The following SUB1 variants were observed in gnomAD, a reference collection of about 807,000 sequenced individuals.
SUB1 encodes SUB1 regulator of transcription.
Under a neutral mutation model 16.9 loss-of-function variants are expected in SUB1, and 1 was observed. That is an observed-to-expected ratio of 0.06 (90% CI 0.02 to 0.28). The LOEUF (loss-of-function observed/expected upper bound fraction) is 0.28, where lower values mean the gene tolerates loss of function less well. Ranked by LOEUF, SUB1 falls within the 10% of genes least tolerant of loss-of-function variation. The pLI, the probability that SUB1 is intolerant of heterozygous loss-of-function variation, is 1.00. For missense variants in SUB1, 84 were observed against 145.2 expected, an observed-to-expected ratio of 0.58 and a Z score of 2.16; for synonymous variants, 51 against 46.9, an observed-to-expected ratio of 1.09 and a Z score of -0.36.
intron 2 of SUB1, among the ~76,000 whole-genome samples, chr5:32,589,129 C>T (rs530651951): frequency 1.3e-5 from 2 of 152,030 alleles, no homozygotes; most frequent in Non-Finnish European, 2.9e-5. Context: ...TACTCTCTTG[C>T]CGAGGCTGGA....
rs1739174609 is a variant in SUB1 at position 32,603,854 on chromosome 5, C to A, written c.*2770C>A. 1 of 151,048 alleles carries A rather than the reference C, an allele frequency of 6.6e-6. No individual in the cohort carries two copies. Among genetic ancestry groups the A allele is most frequent in the Admixed American group, 6.6e-5 (1 of 15,162 alleles). 9.4% of individuals were successfully genotyped at this position (151,048 alleles called of 1,614,324 possible). The stretch of plus-strand genomic sequence containing the variant: ...ATCTCTCCTGAAATTCTTTGCAGTT[C>A]ATTTTTTATGGCAGTTAATCCAGTG... On this transcript the variant is annotated 3_prime_UTR_variant, in exon 5 of 5. Coordinates refer to ENST00000265073, the MANE Select transcript of SUB1 (RefSeq NM_006713.4).
intron 4 of SUB1, among the ~76,000 whole-genome samples, chr5:32,600,698 G>A (rs1012957827): frequency 1.3e-5 from 2 of 151,824 alleles, no homozygotes; most frequent in Non-Finnish European, 2.9e-5. Context: ...CCACCTCCCA[G>A]GTTCGAGCAA....
At position 32,602,839 on chromosome 5, in the gene SUB1, A is replaced by G. The variant is rs1739148314; in HGVS notation, c.*1755A>G. The G allele has an allele frequency of 6.6e-6, 1 of 152,150 alleles. No individual in the cohort carries two copies. Among genetic ancestry groups the G allele is most frequent in the African/African-American group, 2.4e-5 (1 of 41,438 alleles). The allele number at this position is 152,150 out of a possible 1,614,324, so 9.4% of individuals were successfully genotyped here. On this transcript the variant is annotated 3_prime_UTR_variant, in exon 5 of 5. Transcript: ENST00000265073. ...CCAAAGTTTGTACTTTAGACACATC[A>G]TGCTTGATTGGTAACTTCCCTCCTT...
intron 3 of SUB1, chr5:32,595,594 G>T (rs1174997801): frequency 6.6e-6 from 1 of 152,200 alleles, no homozygotes; most frequent in Non-Finnish European, 1.5e-5. Flanking sequence ...CAAGTCTTGG[G>T]CTATTAGGAA....
chr5:32,592,134 C>A (rs1261012773), intron 3 of SUB1, among the ~76,000 whole-genome samples: 7 of 152,156 alleles, frequency 4.6e-5, no homozygotes, highest in Non-Finnish European at 7.4e-5. Flanking sequence ...TAAAATAGAA[C>A]AAACTAGTAA....
At chr5:32,593,469 A>G (rs1738881535) in intron 3 of SUB1, among the ~76,000 whole-genome samples, 1 of 152,180 alleles carries the variant, frequency 6.6e-6, no homozygotes. Context: ...TCTAGGTAAA[A>G]AAGATAGACA....
At chr5:32,591,263 T>C (rs1468697903) in intron 2 of SUB1, 5 of 201,212 alleles carry the variant, frequency 2.5e-5, no homozygotes, top group East Asian at 1.2e-4. Context: ...CATTTTTTTT[T>C]CTACCAAAGA....
chr5:32,587,923 T>C (rs1247940599), intron 1 of SUB1, among the ~76,000 whole-genome samples: 1 of 152,194 alleles, frequency 6.6e-6, no homozygotes, highest in Non-Finnish European at 1.5e-5. Flanking sequence ...TTGCGTATAA[T>C]TTTGTGTACT....
Position 32,591,430 on chromosome 5 carries a change from T to C in SUB1, c.73-133T>C, listed in dbSNP as rs1347148978. ...CATAGTTTTGTTGTTGAGTGAAACT[T>C]GCTTATGTATATATTTATGATATTT... is the stretch of plus-strand genomic sequence containing the variant. On this transcript the variant is annotated intron_variant, in intron 2 of 4. Coordinates refer to ENST00000265073, the MANE Select transcript of SUB1 (RefSeq NM_006713.4). 3 of 1,234,770 alleles carry C rather than the reference T, an allele frequency of 2.4e-6. No homozygotes were observed. In the African/African-American group the frequency reaches 4.7e-5, roughly 19 times the overall value. 76.5% of individuals were successfully genotyped at this position (1,234,770 alleles called of 1,614,324 possible).
At chr5:32,596,525 C>T (rs1738968656) in intron 3 of SUB1, 1 of 152,108 alleles carries the variant, frequency 6.6e-6, no homozygotes, top group African/African-American at 2.4e-5. Flanking sequence ...TTTTAGTTTT[C>T]ACATTTAGGT....
intron 4 of SUB1, among the ~76,000 whole-genome samples, chr5:32,599,976 C>T (rs1248876069): frequency 2.0e-5 from 3 of 152,192 alleles, no homozygotes; most frequent in Non-Finnish European, 4.4e-5. Flanking sequence ...CATACTTTTA[C>T]ATCTTAAACT....
rs996315801 is a variant in SUB1, at chr5:32,601,278, A to G, written c.*194A>G. 3.8e-6 allele frequency: 2 copies of G among 532,444 alleles called. No homozygotes were observed. The highest frequency in any genetic ancestry group is 2.3e-5 in the South Asian group (1 of 43,376). 33.0% of individuals were successfully genotyped at this position (532,444 alleles called of 1,614,324 possible). A position where few individuals can be genotyped will look rare whatever the true frequency, so the allele number is the denominator to read the frequency against. Reference sequence around the variant, plus strand: ...AAGCTAATTGTCAACTTTATTAAGGATTACTTTGTCTGCCCACCACCTAGT... The same window carrying G: ...AAGCTAATTGTCAACTTTATTAAGGGTTACTTTGTCTGCCCACCACCTAGT... On this transcript the variant is annotated 3_prime_UTR_variant, in exon 5 of 5. Coordinates refer to ENST00000265073, the MANE Select transcript of SUB1 (RefSeq NM_006713.4).
chr5:32,585,758 C>G (rs1283803787), intron 1 of SUB1, 133 bp downstream of exon 1: 1 of 152,486 alleles, frequency 6.6e-6, no homozygotes, highest in East Asian at 1.9e-4. Flanking sequence ...CTTACCTCCC[C>G]CTTCCCCTCG....
At chr5:32,598,836 T>G in intron 3 of SUB1, 125 bp from the exon 4 acceptor site, 3 of 702,036 alleles carry the variant, frequency 4.3e-6, no homozygotes, top group Non-Finnish European at 7.3e-6. Context: ...TGTTCAAGGG[T>G]CAGCAGTAGT....
chr5:32,588,613 G>A, intron 2 of SUB1, 29 bp downstream of exon 2: 1 of 1,602,494 alleles, frequency 6.2e-7, no homozygotes, highest in South Asian at 1.1e-5. Flanking sequence ...AGTCATTTTG[G>A]TGATACTCAA....
chr5:32,602,614 A>AT lies in SUB1; in HGVS notation c.*1539dup, dbSNP rs146152836. ...CATTTGCCAGGCCACATAGTTATCAATTTTTTTTTCTATCAGCTATTCTGT... is the reference window on the plus strand; with the variant it reads ...CATTTGCCAGGCCACATAGTTATCAATTTTTTTTTTCTATCAGCTATTCTGT... On this transcript the variant is annotated 3_prime_UTR_variant, in exon 5 of 5. Coordinates refer to ENST00000265073, the MANE Select transcript of SUB1 (RefSeq NM_006713.4). 6,067 of 160,114 alleles carry AT rather than the reference A, an allele frequency of 0.038. 271 individuals carry two copies. The highest frequency in any genetic ancestry group is 0.11 in the African/African-American group (4,463 of 41,408). 9.9% of individuals were successfully genotyped at this position (160,114 alleles called of 1,614,324 possible).
At chr5:32,592,873 G>C (rs926277847) in intron 3 of SUB1, among the ~76,000 whole-genome samples, 1 of 152,178 alleles carries the variant, frequency 6.6e-6, no homozygotes, top group Non-Finnish European at 1.5e-5. Context: ...TTCAGATAGA[G>C]AATGGAAGGA....
At chr5:32,588,391 A>T in intron 1 of SUB1, 121 bp from the exon 2 acceptor site, 2 of 876,426 alleles carry the variant, frequency 2.3e-6, no homozygotes, top group South Asian at 3.6e-5. Context: ...ACTCAGTACC[A>T]CAAAAATGGT....
In SUB1 at chr5:32,601,797, A is replaced by G. The variant is rs969242420; in HGVS notation, c.*713A>G. 2.6e-5 allele frequency: 4 copies of G among 156,378 alleles called. No homozygotes were observed. Among genetic ancestry groups the G allele is most frequent in the South Asian group, 3.8e-4 (2 of 5,252 alleles). The allele number at this position is 156,378 out of a possible 1,614,324, so 9.7% of individuals were successfully genotyped here. A position where few individuals can be genotyped will look rare whatever the true frequency, so the allele number is the denominator to read the frequency against. ...AAACTGAGCAGGTGTTTGTTTACCCATAGTGTTCTGTGTAGTTATTGCTTA... is the reference window on the plus strand; with the variant it reads ...AAACTGAGCAGGTGTTTGTTTACCCGTAGTGTTCTGTGTAGTTATTGCTTA... On this transcript the variant is annotated 3_prime_UTR_variant, in exon 5 of 5. Transcript: ENST00000265073.
Sources: allele counts gnomAD v4.1 joint callset (sites outside exome capture counted in the v4.1 genomes callset), GRCh38; gene constraint gnomAD v4.1.1; transcripts MANE v1.5; gene names NCBI Gene and HGNC (gene_info 2026-07-23, HGNC 2026-07-21).